Variants in WWTR1 observed in about 807,000 individuals in gnomAD.
WWTR1 encodes WW domain-containing transcription regulator protein 1.
A neutral mutation model predicts 40.1 loss-of-function variants in WWTR1; 13 were observed. The observed-to-expected ratio is 0.32, with a 90% confidence interval of 0.21 to 0.52. The LOEUF (loss-of-function observed/expected upper bound fraction) is 0.52. Ranked by LOEUF, WWTR1 falls within the 20% of genes least tolerant of loss-of-function variation. The pLI is 0.97. For missense variants in WWTR1, 436 were observed against 523.1 expected, an observed-to-expected ratio of 0.83 and a Z score of 1.63; for synonymous variants, 230 against 210.1, an observed-to-expected ratio of 1.09 and a Z score of -0.82.
intron 5 of WWTR1, among the ~76,000 whole-genome samples, chr3:149,708,912 C>T (rs1350215337): frequency 6.6e-6 from 1 of 152,110 alleles, no homozygotes; most frequent in Non-Finnish European, 1.5e-5. Flanking sequence ...GCTGTAGTAC[C>T]ATTTTACATT....
intron 6 of WWTR1, 47 bp from the exon 7 acceptor site, chr3:149,521,036 C>G (rs763403373): frequency 2.0e-6 from 3 of 1,526,294 alleles, no homozygotes; most frequent in East Asian, 4.6e-5. Flanking sequence ...CTTTTAGGCT[C>G]TTGAAGGAGG....
intron 2 of WWTR1, among the ~76,000 whole-genome samples, chr3:149,595,252 G>A (rs988290005): frequency 2.6e-5 from 4 of 151,836 alleles, no homozygotes; most frequent in African/African-American, 4.8e-5. Context: ...GAGCCACCGC[G>A]CCCAGCCTTG....
At chr3:149,601,414 T>A (rs1739236706) in intron 2 of WWTR1, among the ~76,000 whole-genome samples, 1 of 152,294 alleles carries the variant, frequency 6.6e-6, no homozygotes, top group East Asian at 1.9e-4. Flanking sequence ...GCCAGGCTGG[T>A]CTGGAACTCC....
intron 1 of WWTR1, among the ~76,000 whole-genome samples, chr3:149,674,127 G>GA (rs1714183781): frequency 1.3e-5 from 2 of 152,140 alleles, no homozygotes; most frequent in Non-Finnish European, 2.9e-5. Flanking sequence ...GGCTGAGGTG[G>GA]AAGGATTGCT....
intron 3 of WWTR1, among the ~76,000 whole-genome samples, chr3:149,562,619 A>G (rs1421455546): frequency 3.3e-5 from 5 of 150,892 alleles, no homozygotes; most frequent in Admixed American, 2.0e-4. Flanking sequence ...ACACACACAC[A>G]CACACACACA....
chr3:149,588,490 T>C, intron 2 of WWTR1, among the ~76,000 whole-genome samples: 1 of 152,192 alleles, frequency 6.6e-6, no homozygotes, highest in East Asian at 1.9e-4. Flanking sequence ...TAGTGTATGA[T>C]GATAGAATGG....
chr3:149,720,942 C>T (rs771220712), intron 4 of WWTR1, among the ~76,000 whole-genome samples: 10 of 151,872 alleles, frequency 6.6e-5, no homozygotes, highest in East Asian at 1.9e-4. Flanking sequence ...TATATAAATG[C>T]GACTGATTTT....
chr3:149,644,947 G>A (rs890561526), intron 2 of WWTR1, among the ~76,000 whole-genome samples: 1 of 152,162 alleles, frequency 6.6e-6, no homozygotes, highest in Admixed American at 6.5e-5. Context: ...CCACCTCCCA[G>A]GTTCAAGCAA....
At chr3:149,585,316 G>A (rs901943665) in intron 2 of WWTR1, among the ~76,000 whole-genome samples, 1 of 152,076 alleles carries the variant, frequency 6.6e-6, no homozygotes, top group African/African-American at 2.4e-5. Context: ...TGTATTTTTA[G>A]TAGAGACGGG....
intron 2 of WWTR1, among the ~76,000 whole-genome samples, chr3:149,669,002 A>G (rs1713954806): frequency 6.6e-6 from 1 of 152,222 alleles, no homozygotes; most frequent in Non-Finnish European, 1.5e-5. Flanking sequence ...ACAGCCTCCA[A>G]CACAAGCCAT....
chr3:149,628,747 ATT>A (rs879645297), intron 2 of WWTR1, among the ~76,000 whole-genome samples: 1,442 of 46,436 alleles, frequency 0.031, 12 homozygotes, highest in Non-Finnish European at 0.076. Context: ...TTTTTATTTT[ATT>A]TTATTTTATT....
chr3:149,601,354 T>C (rs1739233690), intron 2 of WWTR1, among the ~76,000 whole-genome samples: 1 of 152,054 alleles, frequency 6.6e-6, no homozygotes, highest in African/African-American at 2.4e-5. Context: ...TGAGCCCCCA[T>C]ACCTGGCTAA....
At chr3:149,543,357 C>T (rs549953757) in intron 3 of WWTR1, among the ~76,000 whole-genome samples, 40 of 151,988 alleles carry the variant, frequency 2.6e-4, no homozygotes, top group African/African-American at 9.2e-4. Flanking sequence ...CCAAGGCGAA[C>T]GGATCATGAG....
intron 4 of WWTR1, among the ~76,000 whole-genome samples, chr3:149,535,040 T>A (rs562238950): frequency 6.6e-6 from 1 of 152,216 alleles, no homozygotes; most frequent in South Asian, 2.1e-4. Context: ...TGCAGCTCTG[T>A]CCCGCCTTGG....
intron 4 of WWTR1, among the ~76,000 whole-genome samples, chr3:149,534,411 C>A (rs887845526): frequency 1.6e-4 from 24 of 152,258 alleles, no homozygotes; most frequent in African/African-American, 5.8e-4. Flanking sequence ...CTTTTCCGAG[C>A]CTGTTTTCCC....
chr3:149,557,356 G>A (rs1736877505), intron 3 of WWTR1, among the ~76,000 whole-genome samples: 1 of 152,106 alleles, frequency 6.6e-6, no homozygotes, highest in Non-Finnish European at 1.5e-5. Context: ...ACAGGCGTGA[G>A]CCACTGTGCC....
chr3:149,720,645 T>A (rs1715732189), intron 4 of WWTR1, among the ~76,000 whole-genome samples: 1 of 151,874 alleles, frequency 6.6e-6, no homozygotes, highest in African/African-American at 2.4e-5. Flanking sequence ...GTTTTCCTAT[T>A]TTTGCAAAAA....
intron 2 of WWTR1, among the ~76,000 whole-genome samples, chr3:149,605,614 T>A (rs1739450232): frequency 6.6e-6 from 1 of 152,160 alleles, no homozygotes; most frequent in Non-Finnish European, 1.5e-5. Flanking sequence ...ACGTGTTTAA[T>A]GGGCAAAAGA....
At position 149,532,311 on chromosome 3, in the gene WWTR1, T is replaced by C. The variant is rs1032754021; in HGVS notation, c.772-4342A>G. Among the ~76,000 whole-genome samples, 10 of 152,360 alleles carry C rather than the reference T, an allele frequency of 6.6e-5. 1 individual carries two copies. Among genetic ancestry groups the C allele is most frequent in the Admixed American group, 5.2e-4 (8 of 15,304 alleles). On this transcript the variant is annotated intron_variant, in intron 4 of 6. Coordinates refer to ENST00000360632, the MANE Select transcript of WWTR1 (RefSeq NM_015472.6). ...AAATAAACAATTTTAAAAGTCACACTGTCATGTGGAACTGATCCACTTTAA... is the reference window on the plus strand; with the variant it reads ...AAATAAACAATTTTAAAAGTCACACCGTCATGTGGAACTGATCCACTTTAA...
Sources: gnomAD v4.1 joint callset for allele counts (sites outside exome capture counted in the v4.1 genomes callset) on GRCh38, gnomAD v4.1.1 for gene constraint, MANE v1.5 for transcripts, NCBI Gene and HGNC (gene_info 2026-07-23, HGNC 2026-07-21) for gene names.